Variants in FAM151B observed in about 807,000 individuals in gnomAD.
FAM151B encodes the protein family with sequence similarity 151 member B.
A neutral mutation model predicts 31.2 loss-of-function variants in FAM151B; 24 were observed. The ratio of observed to expected loss-of-function variants is 0.77; its 90% confidence interval spans 0.56 to 1.08. The LOEUF (loss-of-function observed/expected upper bound fraction) is 1.08, where lower values mean the gene tolerates loss of function less well. FAM151B is among the 50% of genes least tolerant of loss of function. The pLI is 0.00. For synonymous variants in FAM151B, 105 were observed against 111.4 expected (o/e 0.94, Z 0.36); for missense variants, 293 against 328.6 (o/e 0.89, Z 0.84).
rs77787200 is a variant in FAM151B at position 80,491,788 on chromosome 5, C to T, written c.25+3640C>T. On this transcript the variant is annotated intron_variant, in intron 1 of 5. Transcript: ENST00000282226. ...CTGCCCTCCAGGTTTCTTCGTTTGT[C>T]GAAGATGACAGAATTTTCCTTTTTA... Among the ~76,000 whole-genome samples, 40 of 152,238 alleles carry T rather than the reference C, an allele frequency of 2.6e-4. No homozygotes were observed. In the East Asian group the frequency reaches 2.9e-3, roughly 11 times the overall value.
In FAM151B at chr5:80,538,458, C is replaced by CTTTCTTTCTTTCTCTTTCTTTG. The variant is rs1561383638; in HGVS notation, c.672-3202_672-3201insCTTTCTTTGTTTCTTTCTTTCT. ...TTTCTTTCTTTCTTTCTCTTTCTTTCTTTCTTTCTTTCTTTCTTTCTTTCT... is the reference window on the plus strand; with the variant it reads ...TTTCTTTCTTTCTTTCTCTTTCTTTCTTTCTTTCTTTCTCTTTCTTTGTTTCTTTCTTTCTTTCTTTCTTTCT... On this transcript the variant is annotated intron_variant, in intron 5 of 5. Transcript: ENST00000282226. Among the ~76,000 whole-genome samples the CTTTCTTTCTTTCTCTTTCTTTG allele has an allele frequency of 2.9e-4, 20 of 69,792 alleles. 2 individuals carry two copies. The highest frequency in any genetic ancestry group is 9.6e-4 in the South Asian group (2 of 2,092). 45.8% of individuals were successfully genotyped at this position (69,792 alleles called of 152,430 possible). A position where few individuals can be genotyped will look rare whatever the true frequency, so the allele number is the denominator to read the frequency against.
chr5:80,525,251 C>T (rs997597492), intron 5 of FAM151B, among the ~76,000 whole-genome samples: 4 of 152,292 alleles, frequency 2.6e-5, no homozygotes, highest in East Asian at 3.9e-4. Flanking sequence ...ACGAGAACCT[C>T]ATTTTGAGTC....
Position 80,519,857 on chromosome 5 carries a change from T to A in FAM151B, c.482T>A (p.Val161Glu). The change falls in exon 4 of 6, where the codon GTG becomes GAG. Residue 161 changes from valine to glutamate, a missense_variant. By Grantham distance (121) the Val-to-Glu change is moderately radical (BLOSUM62 -2). Coordinates refer to ENST00000282226, the MANE Select transcript of FAM151B (RefSeq NM_205548.3). The part of the protein sequence containing the change: ...LDTVISFFPD[V>E]TFSLGWTTGW... ...ACCGTGATATCCTTCTTTCCAGACG[T>A]GACGTTTTCCCTGGGTTGGACAACA... 8 of 1,614,154 alleles carry A rather than the reference T, an allele frequency of 5.0e-6. No individual in the cohort carries two copies. The highest frequency in any genetic ancestry group is 5.9e-6 in the Non-Finnish European group (7 of 1,180,014).
chr5:80,501,286 C>G (rs558046502), intron 1 of FAM151B: 2 of 613,212 alleles, frequency 3.3e-6, no homozygotes, highest in Non-Finnish European at 5.7e-6. Flanking sequence ...TCCCAAAGTG[C>G]TGGGATTACA....
At chr5:80,516,878 C>T (rs962262889) in intron 3 of FAM151B, among the ~76,000 whole-genome samples, 6 of 152,136 alleles carry the variant, frequency 3.9e-5, no homozygotes, top group East Asian at 3.8e-4. Context: ...GTTTCAGTAA[C>T]CTGCAGTACA....
intron 5 of FAM151B, among the ~76,000 whole-genome samples, chr5:80,538,464 T>TCTCTCTC (rs1561383734): frequency 5.5e-5 from 6 of 108,384 alleles, no homozygotes; most frequent in Admixed American, 1.9e-4. Flanking sequence ...CTTTCTTTCT[T>TCTCTCTC]TCTTTCTTTC....
chr5:80,507,362 T>C (rs1744007582), intron 2 of FAM151B, among the ~76,000 whole-genome samples: 1 of 152,080 alleles, frequency 6.6e-6, no homozygotes, highest in East Asian at 1.9e-4. Flanking sequence ...CCCTGTCTAC[T>C]TAACTTGGCT....
chr5:80,513,996 G>T (rs779347774), intron 3 of FAM151B, among the ~76,000 whole-genome samples: 1 of 152,128 alleles, frequency 6.6e-6, no homozygotes, highest in Non-Finnish European at 1.5e-5. Context: ...TTTATCATAA[G>T]TGACCATCGT....
intron 1 of FAM151B, among the ~76,000 whole-genome samples, chr5:80,490,198 G>T (rs574905863): frequency 6.6e-6 from 1 of 152,196 alleles, no homozygotes; most frequent in South Asian, 2.1e-4. Flanking sequence ...ATCAGCCTGG[G>T]CAACACAGGG....
intron 4 of FAM151B, among the ~76,000 whole-genome samples, chr5:80,520,929 G>C (rs565791567): frequency 1.3e-5 from 2 of 148,230 alleles, no homozygotes; most frequent in African/African-American, 4.9e-5. Context: ...TGATTCTCGT[G>C]CATCAACCTC....
intron 1 of FAM151B, chr5:80,501,096 C>T (rs896123923): frequency 7.6e-5 from 30 of 395,798 alleles, no homozygotes; most frequent in Admixed American, 3.3e-4. Flanking sequence ...TCACTGCAAC[C>T]TCTGCCTCCC....
chr5:80,504,756 G>A (rs1402089384), intron 2 of FAM151B, among the ~76,000 whole-genome samples: 1 of 151,980 alleles, frequency 6.6e-6, no homozygotes, highest in Non-Finnish European at 1.5e-5. Context: ...CTGATCTCCT[G>A]ATCTGCCCTC....
chr5:80,514,646 A>T (rs1744338850), intron 3 of FAM151B, among the ~76,000 whole-genome samples: 1 of 152,066 alleles, frequency 6.6e-6, no homozygotes, highest in Admixed American at 6.6e-5. Flanking sequence ...CCAGAAATAT[A>T]CAGCAACACT....
intron 5 of FAM151B, among the ~76,000 whole-genome samples, chr5:80,533,195 G>A (rs1278748731): frequency 6.6e-6 from 1 of 151,920 alleles, no homozygotes; most frequent in Non-Finnish European, 1.5e-5. Flanking sequence ...GGCTAACATA[G>A]TGAAACCCCG....
chr5:80,522,826 G>A (rs1369166265), intron 5 of FAM151B, among the ~76,000 whole-genome samples: 2 of 152,064 alleles, frequency 1.3e-5, no homozygotes, highest in South Asian at 2.1e-4. Context: ...ATAAAAATTA[G>A]TTGGACCACC....
intron 1 of FAM151B, chr5:80,498,777 C>T: frequency 3.7e-6 from 2 of 539,104 alleles, no homozygotes; most frequent in Non-Finnish European, 7.1e-6. Flanking sequence ...ACCACAAAGT[C>T]TCAACCCAAG....
chr5:80,513,294 C>G (rs1744265432), intron 2 of FAM151B, among the ~76,000 whole-genome samples: 1 of 152,134 alleles, frequency 6.6e-6, no homozygotes, highest in African/African-American at 2.4e-5. Context: ...TCAGCAAATA[C>G]TTATTAAGCC....
At chr5:80,505,218 C>T (rs1020169720) in intron 2 of FAM151B, among the ~76,000 whole-genome samples, 1 of 152,022 alleles carries the variant, frequency 6.6e-6, no homozygotes, top group African/African-American at 2.4e-5. Context: ...AGAGTCTGGT[C>T]CCAAACTCCT....
At chr5:80,514,346 G>A (rs1402584917) in intron 3 of FAM151B, among the ~76,000 whole-genome samples, 2 of 151,792 alleles carry the variant, frequency 1.3e-5, no homozygotes, top group Admixed American at 6.6e-5. Context: ...ATGGTGGTGG[G>A]CGCCTGTAAT....
Sources: allele counts gnomAD v4.1 joint callset (sites outside exome capture counted in the v4.1 genomes callset), GRCh38; gene constraint gnomAD v4.1.1; transcripts MANE v1.5; gene names NCBI Gene and HGNC (gene_info 2026-07-23, HGNC 2026-07-21).